TTC39C: variants seen among roughly 807,000 people sequenced by gnomAD.
TTC39C encodes the protein tetratricopeptide repeat protein 39C.
A neutral mutation model predicts 76.3 loss-of-function variants in TTC39C; 33 were observed. The ratio of observed to expected loss-of-function variants is 0.43; its 90% CI spans 0.33 to 0.58. The LOEUF (loss-of-function observed/expected upper bound fraction) is 0.58. TTC39C is among the 20% of genes least tolerant of loss of function. The pLI, the probability that TTC39C is intolerant of heterozygous loss-of-function variation, is 0.04. For missense variants in TTC39C, 595 were observed against 701.4 expected, an observed-to-expected ratio of 0.85 and a Z score of 1.71; for synonymous variants, 254 against 260.6, an observed-to-expected ratio of 0.97 and a Z score of 0.24.
chr18:24,119,709 G>A (rs772648959), intron 8 of TTC39C, among the ~76,000 whole-genome samples: 23 of 152,134 alleles, frequency 1.5e-4, no homozygotes, highest in Non-Finnish European at 3.1e-4. Flanking sequence ...ACACTTAAAG[G>A]ATTGTTGTAT....
intron 1 of TTC39C, among the ~76,000 whole-genome samples, chr18:24,052,416 T>A (rs954788166): frequency 5.3e-5 from 8 of 152,180 alleles, no homozygotes; most frequent in African/African-American, 1.9e-4. Flanking sequence ...GGAACAAAAC[T>A]AAATTCATTA....
intron 6 of TTC39C, among the ~76,000 whole-genome samples, chr18:24,110,851 T>A (rs896359009): frequency 6.6e-6 from 1 of 152,248 alleles, no homozygotes; most frequent in Admixed American, 6.5e-5. Flanking sequence ...TTTCTCATTT[T>A]ACTAGTGAAG....
chr18:24,067,042 G>C (rs1241892318), intron 3 of TTC39C, among the ~76,000 whole-genome samples: 2 of 152,204 alleles, frequency 1.3e-5, no homozygotes, highest in Non-Finnish European at 2.9e-5. Flanking sequence ...AAGGGAAACA[G>C]ATCATTCTGG....
intron 4 of TTC39C, among the ~76,000 whole-genome samples, chr18:24,077,828 G>A (rs944178170): frequency 1.3e-5 from 2 of 152,138 alleles, no homozygotes; most frequent in Non-Finnish European, 2.9e-5. Flanking sequence ...TTGTAACTGA[G>A]CATCATCTTT....
chr18:24,098,820 C>T (rs963303566), intron 6 of TTC39C, among the ~76,000 whole-genome samples: 7 of 151,448 alleles, frequency 4.6e-5, no homozygotes, highest in Admixed American at 6.6e-5. Context: ...TTAGTAGAGA[C>T]GGGGTTTTGC....
intron 11 of TTC39C, among the ~76,000 whole-genome samples, chr18:24,129,657 C>G (rs1205301977): frequency 6.6e-6 from 1 of 151,768 alleles, no homozygotes; most frequent in Admixed American, 6.6e-5. Flanking sequence ...ACCTGTAATC[C>G]CAGCTACTCG....
chr18:24,110,256 A>C (rs553075858), intron 6 of TTC39C, among the ~76,000 whole-genome samples: 1 of 152,370 alleles, frequency 6.6e-6, no homozygotes, highest in South Asian at 2.1e-4. Flanking sequence ...AGTAAGCTAT[A>C]CATGGGAAGG....
chr18:24,044,069 T>A (rs1190046839), intron 1 of TTC39C, among the ~76,000 whole-genome samples: 1 of 151,798 alleles, frequency 6.6e-6, no homozygotes, highest in Admixed American at 6.6e-5. Flanking sequence ...TGTGTGTGTG[T>A]GTGTGTGTGT....
intron 1 of TTC39C, among the ~76,000 whole-genome samples, chr18:24,034,601 C>A (rs931826073): frequency 6.6e-6 from 1 of 151,556 alleles, no homozygotes; most frequent in Non-Finnish European, 1.5e-5. Flanking sequence ...TTTTGTCTTT[C>A]CAAATGGAAA....
chr18:24,080,633 A>T lies in TTC39C; in HGVS notation c.509A>T (p.Asn170Ile). The T allele has an allele frequency of 6.2e-7, 1 of 1,613,864 alleles. No individual in the cohort carries two copies. The highest frequency in any genetic ancestry group is 8.5e-7 in the Non-Finnish European group (1 of 1,179,890). ...CTTAGGAAAGCCTGGAAGATTTACA[A>T]TAAATGCTATCTGGACATCAATGCC... ...WILRKAWKIYNKCYLDINALQ... is the reference protein window; with the variant it reads ...WILRKAWKIYIKCYLDINALQ... Residue 170 changes from asparagine (N) to isoleucine (I), a missense_variant, in exon 5 of 14, where the codon AAT becomes ATT. Coordinates refer to ENST00000317571, the MANE Select transcript of TTC39C (RefSeq NM_001135993.2).
intron 1 of TTC39C, among the ~76,000 whole-genome samples, chr18:24,023,972 A>ATC (rs1555766845): frequency 8.0e-5 from 1 of 12,446 alleles, no homozygotes; most frequent in Non-Finnish European, 2.4e-4. Flanking sequence ...ATATATATAT[A>ATC]TATATATACA....
chr18:24,020,020 T>A (rs866570593), intron 1 of TTC39C: 1 of 1,411,672 alleles, frequency 7.1e-7, no homozygotes, highest in South Asian at 1.6e-5. Context: ...GTCCATGATT[T>A]CTAGACAAGT....
intron 10 of TTC39C, among the ~76,000 whole-genome samples, chr18:24,126,672 C>T (rs566448133): frequency 4.0e-5 from 6 of 149,498 alleles, no homozygotes; most frequent in Non-Finnish European, 8.9e-5. Context: ...TTTTTAGAGA[C>T]AAGTCTCATT....
intron 5 of TTC39C, 92 bp downstream of exon 5, chr18:24,081,031 A>G (rs1165647352): frequency 8.2e-7 from 1 of 1,219,786 alleles, no homozygotes; most frequent in East Asian, 2.5e-5. Flanking sequence ...CTTCAGGTAA[A>G]ATGTTTGGTT....
chr18:24,025,166 G>A (rs2083584754), intron 1 of TTC39C, among the ~76,000 whole-genome samples: 1 of 152,156 alleles, frequency 6.6e-6, no homozygotes, highest in Non-Finnish European at 1.5e-5. Flanking sequence ...ACTGCGCCCG[G>A]CCTCCAAAAT....
chr18:24,085,356 T>A (rs564363261), intron 6 of TTC39C, among the ~76,000 whole-genome samples: 16 of 152,236 alleles, frequency 1.1e-4, no homozygotes, highest in Non-Finnish European at 2.2e-4. Context: ...AACAGAAATG[T>A]GAAAATCAGA....
chr18:24,057,079 T>A (rs1239105818), intron 1 of TTC39C, among the ~76,000 whole-genome samples: 1 of 131,956 alleles, frequency 7.6e-6, no homozygotes, highest in Non-Finnish European at 1.6e-5. Flanking sequence ...TCAGCTTCAA[T>A]AATTATCAAG....
chr18:24,125,846 C>T (rs112133973), intron 10 of TTC39C, among the ~76,000 whole-genome samples: 4 of 152,122 alleles, frequency 2.6e-5, no homozygotes, highest in African/African-American at 7.2e-5. Flanking sequence ...ATTTTTTCTC[C>T]CCGAGAGTAC....
intron 1 of TTC39C, among the ~76,000 whole-genome samples, chr18:24,034,371 A>G (rs2083708858): frequency 2.0e-5 from 3 of 152,208 alleles, no homozygotes; most frequent in South Asian, 4.1e-4. Context: ...TTAATGCTCA[A>G]TGTTTTAAAT....
Sources: allele counts gnomAD v4.1 joint callset (sites outside exome capture counted in the v4.1 genomes callset), GRCh38; gene constraint gnomAD v4.1.1; transcripts MANE v1.5; gene names NCBI Gene and HGNC (gene_info 2026-07-23, HGNC 2026-07-21).